WWOX: variants seen among roughly 807,000 people sequenced by gnomAD.
WWOX encodes the protein WW domain-containing oxidoreductase.
In WWOX, 69 loss-of-function variants were observed where a neutral mutation model predicts 46.2. The ratio of observed to expected loss-of-function variants is 1.49; its 90% CI spans 1.23 to 1.82. The LOEUF (loss-of-function observed/expected upper bound fraction) is 1.82, where lower values mean the gene tolerates loss of function less well. WWOX is among the 40% of genes most tolerant of loss of function. WWOX has a pLI of 0.00. For missense variants in WWOX, 919 were observed against 542.6 expected (o/e 1.69, Z -6.89); for synonymous variants, 359 against 202.6 (o/e 1.77, Z -6.56).
intron 8 of WWOX, among the ~76,000 whole-genome samples, chr16:78,737,936 T>C (rs1390058785): frequency 6.6e-6 from 1 of 152,118 alleles, no homozygotes; most frequent in Non-Finnish European, 1.5e-5. Context: ...ATTTATTGTT[T>C]TAATCAATTT....
intron 6 of WWOX, among the ~76,000 whole-genome samples, chr16:78,396,134 A>T (rs557590249): frequency 6.6e-6 from 1 of 152,228 alleles, no homozygotes; most frequent in African/African-American, 2.4e-5. Flanking sequence ...GATTGGAAAT[A>T]AAGCTTATGC....
intron 8 of WWOX, among the ~76,000 whole-genome samples, chr16:78,726,163 G>C (rs1292651671): frequency 1.6e-5 from 2 of 126,406 alleles, no homozygotes; most frequent in Non-Finnish European, 3.2e-5. Flanking sequence ...TTCTCTTTCT[G>C]TGTCTCTCTT....
At chr16:78,200,380 G>C (rs914075665) in intron 5 of WWOX, among the ~76,000 whole-genome samples, 11 of 151,322 alleles carry the variant, frequency 7.3e-5, no homozygotes, top group African/African-American at 2.7e-4. Flanking sequence ...GGAAAAGAAA[G>C]GAGGAAGGAA....
Position 78,516,193 on chromosome 16 carries a change from G to C in WWOX, c.1056+83441G>C, listed in dbSNP as rs549907023. Among the ~76,000 whole-genome samples, 3 of 152,238 alleles carry C rather than the reference G, an allele frequency of 2.0e-5. No individual in the cohort carries two copies. The South Asian group carries it at 6.2e-4, about 32-fold the overall frequency. On this transcript the variant is annotated intron_variant, in intron 8 of 8. Transcript: ENST00000566780. Reference sequence around the variant, plus strand: ...CCAAGACCACAGCTGACAGCGCCCCGGGAGTCCTTCACACTCTTCTCTGAG... The same window carrying C: ...CCAAGACCACAGCTGACAGCGCCCCCGGAGTCCTTCACACTCTTCTCTGAG...
intron 8 of WWOX, among the ~76,000 whole-genome samples, chr16:78,637,355 C>T (rs1005433032): frequency 6.6e-6 from 1 of 151,846 alleles, no homozygotes; most frequent in Admixed American, 6.6e-5. Flanking sequence ...GCAGCAGAGT[C>T]TGTTGAACCC....
intron 8 of WWOX, among the ~76,000 whole-genome samples, chr16:78,883,171 C>T (rs530806098): frequency 2.2e-4 from 34 of 152,114 alleles, no homozygotes; most frequent in Non-Finnish European, 2.8e-4. Context: ...ACTCAGAAAA[C>T]AGTGATAAAA....
intron 8 of WWOX, among the ~76,000 whole-genome samples, chr16:78,874,585 A>T (rs138929374): frequency 6.6e-6 from 1 of 151,942 alleles, no homozygotes; most frequent in East Asian, 1.9e-4. Flanking sequence ...GGTCTCCACT[A>T]CAGATTCTGA....
In WWOX at chr16:78,417,092, G is replaced by A. The variant is rs1026286951; in HGVS notation, c.606-7778G>A. On this transcript the variant is annotated intron_variant, in intron 6 of 8. Transcript: ENST00000566780. ...TAGCTTTTTTTTCATTTTGAGACAG[G>A]GTGTTGCTCTTCCTCAGTTGCCCAG... Among the ~76,000 whole-genome samples the A allele has an allele frequency of 8.1e-5, 12 of 147,844 alleles. No homozygotes were observed. The East Asian group carries it at 2.2e-3, about 27-fold the overall frequency.
Position 78,664,462 on chromosome 16 carries a change from G to T in WWOX, c.1056+231710G>T, listed in dbSNP as rs754733344. The stretch of plus-strand genomic sequence containing the variant: ...TTGAGCTTCTTCCTCGATCAGGCTG[G>T]ATCATTACCAGCCTGTACCCTCAAA... On this transcript the variant is annotated intron_variant, in intron 8 of 8. Coordinates refer to ENST00000566780, the MANE Select transcript of WWOX (RefSeq NM_016373.4). Among the ~76,000 whole-genome samples, 14 of 152,152 alleles carry T rather than the reference G, an allele frequency of 9.2e-5. 1 individual carries two copies. The highest frequency in any genetic ancestry group is 1.8e-4 in the Non-Finnish European group (12 of 68,030).
intron 8 of WWOX, among the ~76,000 whole-genome samples, chr16:78,442,007 C>T (rs553054035): frequency 6.6e-6 from 1 of 151,008 alleles, no homozygotes; most frequent in African/African-American, 2.4e-5. Flanking sequence ...CATGGTGGCT[C>T]TTGCCTATAA....
At chr16:79,209,406 G>C (rs1331415035) in intron 8 of WWOX, among the ~76,000 whole-genome samples, 4 of 152,174 alleles carry the variant, frequency 2.6e-5, no homozygotes, top group Admixed American at 6.5e-5. Context: ...TCTGCTTTTT[G>C]CTTTCCCAAA....
chr16:78,668,467 C>T (rs1300443230), intron 8 of WWOX, among the ~76,000 whole-genome samples: 1 of 152,130 alleles, frequency 6.6e-6, no homozygotes, highest in Non-Finnish European at 1.5e-5. Context: ...ATCCACTCAT[C>T]ATTCATTATA....
At chr16:79,058,571 C>T (rs993387476) in intron 8 of WWOX, among the ~76,000 whole-genome samples, 3 of 152,098 alleles carry the variant, frequency 2.0e-5, no homozygotes, top group East Asian at 1.9e-4. Context: ...AAGACATTCA[C>T]GTTTTGTGGT....
chr16:78,992,292 G>A (rs1032759351), intron 8 of WWOX, among the ~76,000 whole-genome samples: 1 of 97,328 alleles, frequency 1.0e-5, no homozygotes, highest in African/African-American at 3.9e-5. Flanking sequence ...GCGAATCCCG[G>A]TCTCTACTAA....
chr16:78,242,074 T>C (rs2037668740), intron 5 of WWOX, among the ~76,000 whole-genome samples: 1 of 152,218 alleles, frequency 6.6e-6, no homozygotes, highest in South Asian at 2.1e-4. Context: ...CAGGAGCTGT[T>C]AGCCTTGCCG....
chr16:78,319,323 C>T (rs1463601581), intron 5 of WWOX, among the ~76,000 whole-genome samples: 2 of 152,140 alleles, frequency 1.3e-5, no homozygotes, highest in Non-Finnish European at 2.9e-5. Context: ...GTTTTGCTCT[C>T]GCCCAAGCTG....
intron 8 of WWOX, among the ~76,000 whole-genome samples, chr16:78,795,304 G>C (rs965706173): frequency 3.3e-5 from 5 of 152,148 alleles, no homozygotes; most frequent in African/African-American, 9.7e-5. Context: ...TTTAAGTAGA[G>C]GGTAGATTTT....
intron 1 of WWOX, among the ~76,000 whole-genome samples, chr16:78,102,075 C>G (rs1351733461): frequency 6.6e-6 from 1 of 152,126 alleles, no homozygotes; most frequent in African/African-American, 2.4e-5. Flanking sequence ...TGTGTGCCTC[C>G]ACACCCAGCT....
chr16:78,648,286 C>G (rs1276655083), intron 8 of WWOX, among the ~76,000 whole-genome samples: 1 of 152,200 alleles, frequency 6.6e-6, no homozygotes, highest in East Asian at 1.9e-4. Flanking sequence ...TCTGGAGGCC[C>G]TCTGAGAATG....
Sources: gnomAD v4.1 joint callset for allele counts (sites outside exome capture counted in the v4.1 genomes callset) on GRCh38, gnomAD v4.1.1 for gene constraint, MANE v1.5 for transcripts, NCBI Gene and HGNC (gene_info 2026-07-23, HGNC 2026-07-21) for gene names.